PLD5: variants seen among roughly 807,000 people sequenced by gnomAD.
PLD5 encodes the protein phospholipase D family member 5.
A neutral mutation model predicts 61.1 loss-of-function variants in PLD5; 36 were observed. The observed-to-expected ratio is 0.59, with a 90% CI of 0.45 to 0.78. The LOEUF (loss-of-function observed/expected upper bound fraction) is 0.78. Among genes scored for constraint, PLD5 ranks in the 30% least tolerant of loss-of-function variants. The pLI is 0.00. For missense variants in PLD5, 515 were observed against 644.4 expected (o/e 0.80, Z 2.17); for synonymous variants, 243 against 242.8 (o/e 1.00, Z -0.01).
chr1:242,260,392 G>T (rs56261267), intron 4 of PLD5, among the ~76,000 whole-genome samples: 38,857 of 150,628 alleles, frequency 0.26, 5,655 homozygotes, highest in Non-Finnish European at 0.33. Context: ...TGTAAGCCAA[G>T]TGGTGGCAGC....
At chr1:242,458,168 A>G (rs1273116803) in intron 1 of PLD5, among the ~76,000 whole-genome samples, 1 of 152,244 alleles carries the variant, frequency 6.6e-6, no homozygotes, top group African/African-American at 2.4e-5. Context: ...CACTGATTAT[A>G]TTCACACATT....
At chr1:242,377,677 C>T (rs531116100) in intron 1 of PLD5, among the ~76,000 whole-genome samples, 1 of 152,048 alleles carries the variant, frequency 6.6e-6, no homozygotes, top group South Asian at 2.1e-4. Flanking sequence ...AAACAAACAA[C>T]AAAAAATACA....
At chr1:242,289,135 A>G (rs965138440) in intron 2 of PLD5, among the ~76,000 whole-genome samples, 17 of 152,212 alleles carry the variant, frequency 1.1e-4, no homozygotes, top group Non-Finnish European at 2.2e-4. Context: ...TATAGTATTA[A>G]TCAAGCCCTA....
intron 1 of PLD5, among the ~76,000 whole-genome samples, chr1:242,374,953 G>C (rs1370263962): frequency 6.6e-6 from 1 of 152,080 alleles, no homozygotes; most frequent in Non-Finnish European, 1.5e-5. Flanking sequence ...AAAGCTTCAG[G>C]GGTCAAGGGC....
At chr1:242,464,459 G>A (rs537812790) in intron 1 of PLD5, among the ~76,000 whole-genome samples, 1 of 152,238 alleles carries the variant, frequency 6.6e-6, no homozygotes, top group East Asian at 1.9e-4. Context: ...TAGGCCAAAA[G>A]CTTTGTAATC....
intron 5 of PLD5, among the ~76,000 whole-genome samples, chr1:242,183,793 TC>T (rs1667684186): frequency 6.0e-5 from 3 of 49,758 alleles, no homozygotes; most frequent in South Asian, 5.1e-4. Context: ...ACTGGGGAGG[TC>T]TGAGGCAGTA....
intron 1 of PLD5, among the ~76,000 whole-genome samples, chr1:242,483,460 G>C (rs576177833): frequency 6.6e-6 from 1 of 152,188 alleles, no homozygotes; most frequent in Non-Finnish European, 1.5e-5. Context: ...AAGAGACAAA[G>C]AAGGCCATTA....
intron 1 of PLD5, among the ~76,000 whole-genome samples, chr1:242,475,048 G>T (rs1302400281): frequency 3.3e-5 from 5 of 152,200 alleles, no homozygotes; most frequent in Non-Finnish European, 5.9e-5. Context: ...CAGTAGTCAA[G>T]AAATAAATGC....
chr1:242,430,341 C>T (rs1004636228), intron 1 of PLD5, among the ~76,000 whole-genome samples: 2 of 152,128 alleles, frequency 1.3e-5, no homozygotes, highest in Admixed American at 1.3e-4. Flanking sequence ...CTCAGTAAGT[C>T]CTCAGTGAAT....
At chr1:242,226,630 G>T (rs1041632867) in intron 4 of PLD5, among the ~76,000 whole-genome samples, 5 of 152,206 alleles carry the variant, frequency 3.3e-5, no homozygotes, top group African/African-American at 1.2e-4. Flanking sequence ...TCAGGTCCCA[G>T]TTGGTCGTAC....
chr1:242,407,750 T>C (rs1437942354), intron 1 of PLD5, among the ~76,000 whole-genome samples: 3 of 152,046 alleles, frequency 2.0e-5, no homozygotes, highest in African/African-American at 7.2e-5. Flanking sequence ...GGCTAATTTT[T>C]GTATTTTTAG....
intron 5 of PLD5, among the ~76,000 whole-genome samples, chr1:242,134,121 C>T (rs1550125): frequency 0.27 from 41,774 of 152,074 alleles, 6,351 homozygotes; most frequent in Non-Finnish European, 0.34. Flanking sequence ...ACCTGAGTGA[C>T]TGTATTTCCC....
At chr1:242,224,670 A>G (rs930793315) in intron 4 of PLD5, among the ~76,000 whole-genome samples, 2 of 152,192 alleles carry the variant, frequency 1.3e-5, no homozygotes, top group African/African-American at 4.8e-5. Context: ...AGCTCACAGG[A>G]AGCCTTTTCT....
intron 3 of PLD5, among the ~76,000 whole-genome samples, chr1:242,283,297 A>C (rs918327621): frequency 1.2e-4 from 18 of 152,176 alleles, no homozygotes; most frequent in African/African-American, 4.3e-4. Flanking sequence ...ACTCTAACAA[A>C]ATTGCTACTC....
chr1:242,098,462 A>C (rs1357965606), intron 9 of PLD5, among the ~76,000 whole-genome samples: 2 of 152,112 alleles, frequency 1.3e-5, no homozygotes, highest in Admixed American at 6.5e-5. Flanking sequence ...CCATTCATCT[A>C]ATCTTTTTTC....
intron 4 of PLD5, 89 bp from the exon 5 acceptor site, chr1:242,220,204 A>C (rs1403532010): frequency 1.3e-6 from 2 of 1,510,134 alleles, no homozygotes; most frequent in Non-Finnish European, 1.8e-6. Flanking sequence ...TTCATGGTTC[A>C]CCATTTGTCC....
chr1:242,446,053 A>G (rs1292107880), intron 1 of PLD5, among the ~76,000 whole-genome samples: 1 of 151,932 alleles, frequency 6.6e-6, no homozygotes, highest in Non-Finnish European at 1.5e-5. Flanking sequence ...TGGAGGTAAC[A>G]ATCATTATTC....
In PLD5 at chr1:242,351,664, T is replaced by C. The variant is rs555177980; in HGVS notation, c.190-3422A>G. ...TACCCAGTCTCGGGTATGTCTTTATTAGCAGCATGAGAACAGACTAATACA... is the reference window on the plus strand; with the variant it reads ...TACCCAGTCTCGGGTATGTCTTTATCAGCAGCATGAGAACAGACTAATACA... On this transcript the variant is annotated intron_variant, in intron 1 of 9. Coordinates refer to ENST00000536534, the MANE Select transcript of PLD5 (RefSeq NM_001372062.1). 5.3e-5 allele frequency among the ~76,000 whole-genome samples: 8 copies of C among 152,326 alleles called. No individual in the cohort carries two copies. In the South Asian group the frequency reaches 8.3e-4, roughly 16 times the overall value.
intron 3 of PLD5, among the ~76,000 whole-genome samples, chr1:242,269,426 T>G (rs996371009): frequency 6.6e-6 from 1 of 151,278 alleles, no homozygotes; most frequent in African/African-American, 2.4e-5. Flanking sequence ...AGAGGATGCT[T>G]AATGTAGGAG....
Sources: gnomAD v4.1 joint callset for allele counts (sites outside exome capture counted in the v4.1 genomes callset) on GRCh38, gnomAD v4.1.1 for gene constraint, MANE v1.5 for transcripts, NCBI Gene and HGNC (gene_info 2026-07-23, HGNC 2026-07-21) for gene names.